GSAP: variants seen among roughly 807,000 people sequenced by gnomAD.
GSAP encodes the protein gamma-secretase activating protein, also known as gamma-secretase-activating protein.
GSAP carries 118 observed loss-of-function variants against 131.7 expected under a neutral mutation model. That is an observed-to-expected ratio of 0.90 (90% confidence interval 0.77 to 1.04). GSAP has a LOEUF of 1.04. GSAP is among the 50% of genes least tolerant of loss of function. The pLI is 0.00. For synonymous variants in GSAP, 381 were observed against 363.4 expected, an observed-to-expected ratio of 1.05 and a Z score of -0.55; for missense variants, 1,019 against 1,013.2, an observed-to-expected ratio of 1.01 and a Z score of -0.08.
At chr7:77,345,378 A>C (rs1279319594) in intron 19 of GSAP, among the ~76,000 whole-genome samples, 3 of 152,066 alleles carry the variant, frequency 2.0e-5, no homozygotes, top group Admixed American at 1.3e-4. Context: ...TATCACCCCC[A>C]AAAAATTTTT....
At chr7:77,314,546 G>C in intron 26 of GSAP, 57 bp from the exon 27 acceptor site, 1 of 1,601,330 alleles carries the variant, frequency 6.2e-7, no homozygotes, top group Non-Finnish European at 8.5e-7. Flanking sequence ...AGCAGCCCCC[G>C]GGGAATGGAT....
At chr7:77,344,796 A>G (rs1317801403) in intron 19 of GSAP, among the ~76,000 whole-genome samples, 3 of 151,596 alleles carry the variant, frequency 2.0e-5, no homozygotes, top group Admixed American at 1.3e-4. Flanking sequence ...GCCACCCTCT[A>G]CCTCTCCCCA....
At chr7:77,364,542 G>A (rs1310465803) in intron 12 of GSAP, among the ~76,000 whole-genome samples, 1 of 116,770 alleles carries the variant, frequency 8.6e-6, no homozygotes, top group African/African-American at 3.3e-5. Flanking sequence ...GGAGGGGGGA[G>A]GGATAGCATT....
At chr7:77,389,694 T>G (rs376900898) in intron 5 of GSAP, among the ~76,000 whole-genome samples, 6 of 152,198 alleles carry the variant, frequency 3.9e-5, no homozygotes, top group Admixed American at 1.3e-4. Context: ...TGTTGGACAT[T>G]TGGGTTGGTT....
chr7:77,414,843 A>ATTTTTTT (rs1563154507), intron 1 of GSAP, among the ~76,000 whole-genome samples: 7 of 58,394 alleles, frequency 1.2e-4, no homozygotes, highest in Admixed American at 7.2e-4. Context: ...CATGTGGGCG[A>ATTTTTTT]CTTTTTTTTT....
intron 3 of GSAP, among the ~76,000 whole-genome samples, chr7:77,402,728 T>G (rs374915422): frequency 3.5e-5 from 5 of 144,854 alleles, no homozygotes; most frequent in African/African-American, 1.3e-4. Context: ...TGTGCCTACG[T>G]GGAGAAGAGA....
At chr7:77,361,809 G>A (rs111250056) in intron 13 of GSAP, among the ~76,000 whole-genome samples, 135 of 152,280 alleles carry the variant, frequency 8.9e-4, no homozygotes, top group African/African-American at 3.1e-3. Flanking sequence ...AATTAGTTAG[G>A]CATTTGACTG....
Position 77,416,247 on chromosome 7 carries a change from C to T in GSAP, c.75G>A (p.Val25=), listed in dbSNP as rs1446925761. 3.3e-6 allele frequency: 5 copies of T among 1,493,194 alleles called. No homozygotes were observed. The highest frequency in any genetic ancestry group is 4.5e-6 in the Non-Finnish European group (5 of 1,123,588). 92.5% of individuals were successfully genotyped at this position (1,493,194 alleles called of 1,614,324 possible). A position where few individuals can be genotyped will look rare whatever the true frequency, so the allele number is the denominator to read the frequency against. Residue 25 remains valine, a synonymous_variant, in exon 1 of 31, where the codon GTG becomes GTA. Coordinates refer to ENST00000257626, the MANE Select transcript of GSAP (RefSeq NM_017439.4). ...VLPWLRAQRA[V]SEASGAGSGG... ...CGCTTCCGGCCCCGCTGGCCTCCGA[C>T]ACTGCCCGCTGCGCCCGCAACCACG...
At chr7:77,353,692 T>G in intron 16 of GSAP, 51 bp from the exon 17 acceptor site, 1 of 1,092,070 alleles carries the variant, frequency 9.2e-7, no homozygotes, top group Non-Finnish European at 1.4e-6. Flanking sequence ...GCTCTCTGCC[T>G]CCACTACCAA....
intron 18 of GSAP, chr7:77,351,522 C>T (rs1792858793): frequency 1.0e-6 from 1 of 982,378 alleles, no homozygotes; most frequent in Admixed American, 6.2e-5. Context: ...TTAGAAGAGA[C>T]CTTTAAGGTA....
chr7:77,407,190 G>A (rs1802443873), intron 1 of GSAP, among the ~76,000 whole-genome samples: 1 of 152,148 alleles, frequency 6.6e-6, no homozygotes, highest in African/African-American at 2.4e-5. Flanking sequence ...TTTTAATATA[G>A]GAGCTGGATT....
At chr7:77,388,226 T>G (rs1379844968) in intron 5 of GSAP, among the ~76,000 whole-genome samples, 1 of 152,248 alleles carries the variant, frequency 6.6e-6, no homozygotes, top group African/African-American at 2.4e-5. Flanking sequence ...ATTTTTAGCA[T>G]AGCTCCACAA....
intron 28 of GSAP, among the ~76,000 whole-genome samples, chr7:77,313,125 C>T (rs1341592954): frequency 6.6e-6 from 1 of 152,138 alleles, no homozygotes; most frequent in East Asian, 1.9e-4. Flanking sequence ...ACCTTCTGTC[C>T]TCACCTGTAT....
At chr7:77,367,902 A>G (rs1795553525) in intron 12 of GSAP, among the ~76,000 whole-genome samples, 1 of 152,130 alleles carries the variant, frequency 6.6e-6, no homozygotes, top group Admixed American at 6.6e-5. Context: ...CTGTTCAGGG[A>G]ATCAATTTCT....
At chr7:77,363,575 G>C (rs1794839538) in intron 12 of GSAP, among the ~76,000 whole-genome samples, 1 of 152,130 alleles carries the variant, frequency 6.6e-6, no homozygotes, top group African/African-American at 2.4e-5. Context: ...TCCTTCATTA[G>C]TTTCTTTATC....
intron 11 of GSAP, 83 bp from the exon 12 acceptor site, chr7:77,374,238 T>C (rs978690253): frequency 5.9e-6 from 4 of 675,838 alleles, no homozygotes; most frequent in Non-Finnish European, 1.0e-5. Flanking sequence ...CACTAAATAA[T>C]ATACCCACAG....
At chr7:77,392,290 G>A (rs901715160) in intron 5 of GSAP, among the ~76,000 whole-genome samples, 5 of 151,450 alleles carry the variant, frequency 3.3e-5, no homozygotes, top group African/African-American at 1.2e-4. Context: ...GCTCATGCCT[G>A]TAATCCTAAC....
chr7:77,345,767 A>C (rs982483882), intron 19 of GSAP, among the ~76,000 whole-genome samples: 1 of 152,028 alleles, frequency 6.6e-6, no homozygotes, highest in African/African-American at 2.4e-5. Flanking sequence ...GCCCCACCCC[A>C]TCTCCCTTCG....
At chr7:77,351,218 G>C (rs768031679) in intron 18 of GSAP, 19 of 981,686 alleles carry the variant, frequency 1.9e-5, no homozygotes, top group Admixed American at 6.2e-5. Context: ...TCACTACAGA[G>C]GATACCTCAA....
Sources: allele counts gnomAD v4.1 joint callset (sites outside exome capture counted in the v4.1 genomes callset), GRCh38; gene constraint gnomAD v4.1.1; transcripts MANE v1.5; gene names NCBI Gene and HGNC (gene_info 2026-07-23, HGNC 2026-07-21).